Variants in VGLL4 observed in about 807,000 individuals in gnomAD.
VGLL4 encodes vestigial like family member 4.
Under a neutral mutation model 21.0 loss-of-function variants are expected in VGLL4, and 7 were observed. That is an observed-to-expected ratio of 0.33 (90% CI 0.19 to 0.63). The LOEUF (loss-of-function observed/expected upper bound fraction) is 0.63. Ranked by LOEUF, VGLL4 falls within the 20% of genes least tolerant of loss-of-function variation. VGLL4 has a pLI of 0.78. For synonymous variants in VGLL4, 222 were observed against 173.2 expected, an observed-to-expected ratio of 1.28 and a Z score of -2.21; for missense variants, 394 against 425.7, an observed-to-expected ratio of 0.93 and a Z score of 0.66.
At chr3:11,681,124 G>C (rs1010775007) in intron 2 of VGLL4, among the ~76,000 whole-genome samples, 15 of 152,168 alleles carry the variant, frequency 9.9e-5, no homozygotes, top group African/African-American at 3.6e-4. Context: ...TTGAGACGGA[G>C]TCTCGCTCTG....
chr3:11,683,084 G>A (rs1432121157), intron 2 of VGLL4, among the ~76,000 whole-genome samples: 16 of 151,746 alleles, frequency 1.1e-4, no homozygotes, highest in Non-Finnish European at 1.6e-4. Context: ...AAAACCAGCC[G>A]AGCGTGGTGG....
At chr3:11,609,172 C>A (rs921446854) in intron 1 of VGLL4, among the ~76,000 whole-genome samples, 1 of 152,134 alleles carries the variant, frequency 6.6e-6, no homozygotes, top group African/African-American at 2.4e-5. Flanking sequence ...CTGGCCTAAC[C>A]TCTGTTTCTT....
At chr3:11,608,243 T>TC (rs1462464625) in intron 1 of VGLL4, among the ~76,000 whole-genome samples, 3 of 152,216 alleles carry the variant, frequency 2.0e-5, no homozygotes, top group Admixed American at 2.0e-4. Context: ...TCTTTCAAAT[T>TC]CCCAATGACA....
intron 1 of VGLL4, among the ~76,000 whole-genome samples, chr3:11,712,101 C>G (rs974548190): frequency 2.6e-5 from 4 of 152,200 alleles, no homozygotes; most frequent in African/African-American, 9.6e-5. Flanking sequence ...TTTGAGTAAT[C>G]CTTTTTTCTT....
chr3:11,617,133 C>T (rs1575457939), intron 1 of VGLL4, among the ~76,000 whole-genome samples: 1 of 151,874 alleles, frequency 6.6e-6, no homozygotes, highest in East Asian at 1.9e-4. Flanking sequence ...ATGAGGGAGA[C>T]AATAATTCTA....
At chr3:11,580,589 T>C (rs142224595) in intron 2 of VGLL4, among the ~76,000 whole-genome samples, 118 of 152,328 alleles carry the variant, frequency 7.7e-4, no homozygotes, top group African/African-American at 2.7e-3. Context: ...GTGGGAAGTA[T>C]AGGATGCATT....
At chr3:11,718,001 C>T (rs2076942021) in intron 1 of VGLL4, among the ~76,000 whole-genome samples, 1 of 152,090 alleles carries the variant, frequency 6.6e-6, no homozygotes, top group African/African-American at 2.4e-5. Flanking sequence ...GTTTTTACTA[C>T]AACATTCACA....
intron 1 of VGLL4, among the ~76,000 whole-genome samples, chr3:11,606,204 C>T (rs1244438458): frequency 6.6e-6 from 1 of 152,178 alleles, no homozygotes; most frequent in African/African-American, 2.4e-5. Context: ...ACCACGGGTA[C>T]AGTATGGGGG....
At chr3:11,559,196 C>T (rs1479481878) in intron 4 of VGLL4, 136 bp downstream of exon 4, 8 of 1,385,530 alleles carry the variant, frequency 5.8e-6, no homozygotes, top group Admixed American at 5.8e-5. Flanking sequence ...GCACACTGGA[C>T]GTGCTCAAGA....
chr3:11,561,784 G>A lies in VGLL4; in HGVS notation c.496-2329C>T, dbSNP rs184858554. Among the ~76,000 whole-genome samples the A allele has an allele frequency of 1.4e-3, 212 of 151,822 alleles. 4 individuals carry two copies. The South Asian group carries it at 0.028, about 20-fold the overall frequency. ...AGCCCTGTCACTAACCCCTTCACCC[G>A]CTGTCCCACCCACCTGTGACTGTCC... On this transcript the variant is annotated intron_variant, in intron 3 of 4. Transcript: ENST00000430365.
chr3:11,625,583 T>G (rs1353625695), intron 1 of VGLL4, among the ~76,000 whole-genome samples: 1 of 152,222 alleles, frequency 6.6e-6, no homozygotes, highest in African/African-American at 2.4e-5. Context: ...GGGGTTCAAG[T>G]GCAAATCAGC....
At chr3:11,597,791 T>C (rs28667322) in intron 2 of VGLL4, among the ~76,000 whole-genome samples, 10,837 of 152,162 alleles carry the variant, frequency 0.071, 626 homozygotes, top group African/African-American at 0.17. Context: ...ATACTCCTCA[T>C]CCCAGTCATT....
chr3:11,642,820 G>A (rs1195350897), intron 1 of VGLL4, among the ~76,000 whole-genome samples: 1 of 152,162 alleles, frequency 6.6e-6, no homozygotes, highest in Admixed American at 6.5e-5. Context: ...ACAGGGAGCG[G>A]AGCGCGAGGA....
At chr3:11,596,054 A>G (rs1247492207) in intron 2 of VGLL4, among the ~76,000 whole-genome samples, 1 of 152,198 alleles carries the variant, frequency 6.6e-6, no homozygotes, top group East Asian at 1.9e-4. Context: ...TATTTGCTTG[A>G]TTTACCAAAA....
chr3:11,649,832 G>A (rs1037514624), intron 2 of VGLL4, among the ~76,000 whole-genome samples: 1 of 152,174 alleles, frequency 6.6e-6, no homozygotes, highest in African/African-American at 2.4e-5. Flanking sequence ...TAAGCTTCTA[G>A]AGGGAAGGAA....
chr3:11,558,715 G>A lies in VGLL4; in HGVS notation c.732C>T (p.Asp244=), dbSNP rs772687864. 27 of 1,614,022 alleles carry A rather than the reference G, an allele frequency of 1.7e-5. No individual in the cohort carries two copies. The East Asian group carries it at 3.1e-4, about 19-fold the overall frequency. ...PNSVSITGSV[D]DHFAKALGDT... is the part of the protein sequence containing the mutation. ...CACCCAGAGCTTTGGCAAAGTGGTC[G>A]TCCACGGAGCCCGTGATGGACACGG... Residue 244 remains aspartate (D), a synonymous_variant, in exon 5 of 5, where the codon GAC becomes GAT. Transcript: ENST00000430365.
At chr3:11,661,435 T>TTTTATTTA (rs56380247) in intron 2 of VGLL4, among the ~76,000 whole-genome samples, 71,895 of 147,932 alleles carry the variant, frequency 0.49, 17,876 homozygotes, top group Non-Finnish European at 0.53. Flanking sequence ...ACATTTTTCC[T>TTTTATTTA]TTTATTTATT....
At chr3:11,638,736 T>C (rs1460938842) in intron 1 of VGLL4, among the ~76,000 whole-genome samples, 1 of 152,080 alleles carries the variant, frequency 6.6e-6, no homozygotes, top group East Asian at 1.9e-4. Context: ...GCTGTGGCCT[T>C]TTCACCTACC....
intron 3 of VGLL4, among the ~76,000 whole-genome samples, chr3:11,560,964 A>G (rs1168358810): frequency 6.6e-6 from 1 of 152,090 alleles, no homozygotes; most frequent in Non-Finnish European, 1.5e-5. Context: ...CAGATCTCAC[A>G]CTGGCTGACC....
Sources: allele counts gnomAD v4.1 joint callset (sites outside exome capture counted in the v4.1 genomes callset), GRCh38; gene constraint gnomAD v4.1.1; transcripts MANE v1.5; gene names NCBI Gene and HGNC (gene_info 2026-07-23, HGNC 2026-07-21).